Variants in SULT4A1 observed in about 807,000 individuals in gnomAD.
SULT4A1 encodes the protein sulfotransferase family 4A member 1.
A neutral mutation model predicts 35.2 loss-of-function variants in SULT4A1; 11 were observed. The ratio of observed to expected loss-of-function variants is 0.31; its 90% CI spans 0.20 to 0.52. The LOEUF is 0.52. SULT4A1 is among the 20% of genes least tolerant of loss of function. SULT4A1 has a pLI of 0.97. For synonymous variants in SULT4A1, 152 were observed against 151.8 expected (o/e 1.00, Z -0.01); for missense variants, 271 against 383.7 (o/e 0.71, Z 2.45).
chr22:43,828,131 C>T (rs549992694), intron 6 of SULT4A1, among the ~76,000 whole-genome samples: 1 of 152,386 alleles, frequency 6.6e-6, no homozygotes, highest in Admixed American at 6.5e-5. Flanking sequence ...TCATCCGCCC[C>T]AGGCATCTCC....
chr22:43,828,856 G>A (rs996765713), intron 6 of SULT4A1: 11 of 499,950 alleles, frequency 2.2e-5, no homozygotes, highest in African/African-American at 6.0e-5. Flanking sequence ...AAACACCAGC[G>A]GGCAGGGTAC....
chr22:43,852,349 T>TTG (rs2049351141), intron 1 of SULT4A1, among the ~76,000 whole-genome samples: 1 of 55,368 alleles, frequency 1.8e-5, no homozygotes. Flanking sequence ...TTTTTTGTTG[T>TTG]TTTTTTTTTG....
At chr22:43,840,271 G>A (rs1455888903) in intron 2 of SULT4A1, among the ~76,000 whole-genome samples, 1 of 151,230 alleles carries the variant, frequency 6.6e-6, no homozygotes, top group Admixed American at 6.6e-5. Flanking sequence ...GGGAAGGGGT[G>A]GGGGCCAGGG....
chr22:43,861,279 G>C (rs2049465129), intron 1 of SULT4A1, among the ~76,000 whole-genome samples: 1 of 152,186 alleles, frequency 6.6e-6, no homozygotes, highest in Non-Finnish European at 1.5e-5. Context: ...CCGACTGCTG[G>C]TCCGGCGTGA....
At chr22:43,832,878 ACCT>A (rs2063334769) in intron 5 of SULT4A1, among the ~76,000 whole-genome samples, 2 of 150,732 alleles carry the variant, frequency 1.3e-5, no homozygotes, top group Non-Finnish European at 3.0e-5. Flanking sequence ...CTCCCAGCAG[ACCT>A]CCTCCCCATC....
intron 1 of SULT4A1, among the ~76,000 whole-genome samples, chr22:43,854,678 C>T (rs2148305257): frequency 6.6e-6 from 1 of 152,276 alleles, no homozygotes; most frequent in South Asian, 2.1e-4. Flanking sequence ...CTGAGCCACA[C>T]CCAACCACTA....
chr22:43,862,437 C>CCGCA lies in SULT4A1; in HGVS notation c.-56_-55insTGCG, dbSNP rs1394253945. On this transcript the variant is annotated 5_prime_UTR_variant, in exon 1 of 7. Transcript: ENST00000330884. Reference sequence around the variant, plus strand: ...CTCCCGGCTCGCAGCCCGCACGCGCCCGCGCCCGCGCCCGCGCCCGCGCCC... The same window carrying CCGCA: ...CTCCCGGCTCGCAGCCCGCACGCGCCCGCACGCGCCCGCGCCCGCGCCCGCGCCC... The CCGCA allele has an allele frequency of 2.0e-6, 1 of 501,462 alleles. No individual in the cohort carries two copies. Among genetic ancestry groups the CCGCA allele is most frequent in the African/African-American group, 2.3e-5 (1 of 44,018 alleles). The allele number at this position is 501,462 out of a possible 1,614,324, so 31.1% of individuals were successfully genotyped here. A position where few individuals can be genotyped will look rare whatever the true frequency, so the allele number is the denominator to read the frequency against.
intron 5 of SULT4A1, among the ~76,000 whole-genome samples, chr22:43,830,620 A>G (rs906256373): frequency 1.3e-5 from 2 of 152,190 alleles, no homozygotes; most frequent in African/African-American, 2.4e-5. Flanking sequence ...GTGCCTCCAC[A>G]TGGGCAGGTA....
chr22:43,860,759 G>A (rs1373239881), intron 1 of SULT4A1, among the ~76,000 whole-genome samples: 1 of 152,168 alleles, frequency 6.6e-6, no homozygotes, highest in African/African-American at 2.4e-5. Context: ...TCCCTAAGTG[G>A]CTGAGACTTC....
intron 1 of SULT4A1, among the ~76,000 whole-genome samples, chr22:43,850,603 G>T (rs530077913): frequency 6.6e-6 from 1 of 152,318 alleles, no homozygotes; most frequent in African/African-American, 2.4e-5. Context: ...TGTTCCCTCT[G>T]CTCTCCCTCC....
At chr22:43,840,084 TGGGGCCAAGGGGAAG>T in intron 2 of SULT4A1, 59 bp from the exon 3 acceptor site, 1 of 1,028,328 alleles carries the variant, frequency 9.7e-7, no homozygotes, top group Non-Finnish European at 1.3e-6. Flanking sequence ...AGGGGAGGAG[TGGGGCCAAGGGGAAG>T]GGGGCCAGAG....
At chr22:43,831,404 G>A (rs1044409098) in intron 5 of SULT4A1, among the ~76,000 whole-genome samples, 2 of 152,294 alleles carry the variant, frequency 1.3e-5, no homozygotes, top group African/African-American at 4.8e-5. Flanking sequence ...TATGTCATTG[G>A]TGGCAAAATA....
At chr22:43,830,589 C>T (rs192706622) in intron 5 of SULT4A1, among the ~76,000 whole-genome samples, 3 of 152,346 alleles carry the variant, frequency 2.0e-5, no homozygotes, top group Non-Finnish European at 2.9e-5. Context: ...CACCACGGCA[C>T]GGAGCCAGCG....
chr22:43,842,464 T>A (rs1324102900), intron 1 of SULT4A1, among the ~76,000 whole-genome samples: 1 of 152,086 alleles, frequency 6.6e-6, no homozygotes, highest in Non-Finnish European at 1.5e-5. Flanking sequence ...ATTCATAAAG[T>A]CACTTGGAAA....
At chr22:43,852,165 G>C (rs939232684) in intron 1 of SULT4A1, among the ~76,000 whole-genome samples, 4 of 152,090 alleles carry the variant, frequency 2.6e-5, no homozygotes, top group African/African-American at 9.7e-5. Flanking sequence ...CCAGCTCCCT[G>C]AGAAACAGCA....
chr22:43,825,909 G>T lies in SULT4A1; in HGVS notation c.*92C>A. ...CGCTGTTTCACACGCTGCTTCCAGA[G>T]TTTGTCCAGCAAGGAATAAATGAAT... On this transcript the variant is annotated 3_prime_UTR_variant, in exon 7 of 7. Transcript: ENST00000330884. 1 of 1,285,760 alleles carries T rather than the reference G, an allele frequency of 7.8e-7. No homozygotes were observed. Among genetic ancestry groups the T allele is most frequent in the Non-Finnish European group, 1.1e-6 (1 of 908,314 alleles). 79.6% of individuals were successfully genotyped at this position (1,285,760 alleles called of 1,614,324 possible). A position where few individuals can be genotyped will look rare whatever the true frequency, so the allele number is the denominator to read the frequency against.
chr22:43,840,466 G>A (rs746261437), intron 2 of SULT4A1, among the ~76,000 whole-genome samples: 9 of 152,116 alleles, frequency 5.9e-5, no homozygotes, highest in African/African-American at 1.2e-4. Flanking sequence ...GGACCCTGGC[G>A]GTAGAGACAA....
intron 4 of SULT4A1, among the ~76,000 whole-genome samples, chr22:43,835,935 C>G (rs1231228144): frequency 6.6e-6 from 1 of 152,202 alleles, no homozygotes; most frequent in East Asian, 1.9e-4. Context: ...GGGTGGAGAG[C>G]CTTCCCACCG....
intron 1 of SULT4A1, among the ~76,000 whole-genome samples, chr22:43,850,538 C>T (rs1177833525): frequency 6.6e-6 from 1 of 152,172 alleles, no homozygotes; most frequent in Non-Finnish European, 1.5e-5. Flanking sequence ...TCAACGTGGC[C>T]AGAGACATGG....
Sources: allele counts gnomAD v4.1 joint callset (sites outside exome capture counted in the v4.1 genomes callset), GRCh38; gene constraint gnomAD v4.1.1; transcripts MANE v1.5; gene names NCBI Gene and HGNC (gene_info 2026-07-23, HGNC 2026-07-21).